PCMTD1: variants seen among roughly 807,000 people sequenced by gnomAD.
PCMTD1 encodes protein-L-isoaspartate (D-aspartate) O-methyltransferase domain containing 1.
PCMTD1 carries 12 observed loss-of-function variants against 37.6 expected under a neutral mutation model. That is an observed-to-expected ratio of 0.32 (90% confidence interval 0.20 to 0.52). PCMTD1 has a LOEUF of 0.52. Among genes scored for constraint, PCMTD1 ranks in the 20% least tolerant of loss-of-function variants. The probability of loss-of-function intolerance (pLI) is 0.97; values close to 1 mark genes in which losing one functional copy is unlikely to be tolerated. For missense variants in PCMTD1, 235 were observed against 421.3 expected (o/e 0.56, Z 3.87); for synonymous variants, 117 against 135.8 (o/e 0.86, Z 0.96).
chr8:51,885,831 T>C (rs1448925868), intron 1 of PCMTD1, among the ~76,000 whole-genome samples: 1 of 152,194 alleles, frequency 6.6e-6, no homozygotes, highest in Non-Finnish European at 1.5e-5. Flanking sequence ...CATACGTTGT[T>C]TGTGCTGGGT....
At chr8:51,882,389 C>A (rs983788240) in intron 1 of PCMTD1, among the ~76,000 whole-genome samples, 1 of 152,284 alleles carries the variant, frequency 6.6e-6, no homozygotes, top group African/African-American at 2.4e-5. Flanking sequence ...AGGGGGCGGT[C>A]AGGGTTTCAA....
chr8:51,844,749 T>C (rs1469219566), intron 3 of PCMTD1: 1 of 152,166 alleles, frequency 6.6e-6, no homozygotes, highest in East Asian at 1.9e-4. Context: ...TCTAGATCTT[T>C]CTAGAGAAAA....
At chr8:51,885,803 C>T (rs547520393) in intron 1 of PCMTD1, among the ~76,000 whole-genome samples, 1 of 83,488 alleles carries the variant, frequency 1.2e-5, no homozygotes, top group Non-Finnish European at 4.0e-5. Context: ...GATAGACAGC[C>T]TTATGTCTCT....
chr8:51,850,630 A>AT (rs1321180042), intron 2 of PCMTD1, among the ~76,000 whole-genome samples: 2 of 152,204 alleles, frequency 1.3e-5, no homozygotes, highest in Non-Finnish European at 2.9e-5. Context: ...ATAGTAAAGT[A>AT]ACATCAAGAG....
chr8:51,846,946 G>A (rs542923344), intron 2 of PCMTD1, among the ~76,000 whole-genome samples: 1 of 152,158 alleles, frequency 6.6e-6, no homozygotes, highest in East Asian at 1.9e-4. Flanking sequence ...GTTCCAATAG[G>A]AAAAATAAAT....
chr8:51,897,726 T>C (rs1039385464), intron 1 of PCMTD1, among the ~76,000 whole-genome samples: 3 of 152,204 alleles, frequency 2.0e-5, no homozygotes, highest in Non-Finnish European at 4.4e-5. Flanking sequence ...CTACTGATTA[T>C]TGAAAACTTG....
intron 3 of PCMTD1, among the ~76,000 whole-genome samples, chr8:51,841,549 T>G (rs2038147044): frequency 6.6e-6 from 1 of 152,214 alleles, no homozygotes; most frequent in South Asian, 2.1e-4. Context: ...AATACATACA[T>G]GTATATGCAT....
At chr8:51,857,770 T>G (rs2038412918) in intron 2 of PCMTD1, among the ~76,000 whole-genome samples, 1 of 152,202 alleles carries the variant, frequency 6.6e-6, no homozygotes, top group East Asian at 1.9e-4. Context: ...CTCCACTTTC[T>G]TCGATAAAAG....
At chr8:51,883,150 A>T (rs1184746587) in intron 1 of PCMTD1, among the ~76,000 whole-genome samples, 1 of 152,158 alleles carries the variant, frequency 6.6e-6, no homozygotes, top group African/African-American at 2.4e-5. Flanking sequence ...AAAAAAGAAC[A>T]GACAAAAAAA....
chr8:51,854,915 C>T (rs1028629850), intron 2 of PCMTD1, among the ~76,000 whole-genome samples: 37 of 151,160 alleles, frequency 2.4e-4, no homozygotes, highest in Admixed American at 7.9e-4. Context: ...TGGCTCACGC[C>T]TGTAATCCAA....
chr8:51,886,360 T>A (rs2038864597), intron 1 of PCMTD1, among the ~76,000 whole-genome samples: 1 of 152,230 alleles, frequency 6.6e-6, no homozygotes, highest in African/African-American at 2.4e-5. Flanking sequence ...CCAGCTACTC[T>A]TTAATTACTC....
chr8:51,878,779 G>A (rs2038750957), intron 1 of PCMTD1, among the ~76,000 whole-genome samples: 1 of 151,978 alleles, frequency 6.6e-6, no homozygotes. Context: ...GGAATATGCA[G>A]ATTAATGGAA....
chr8:51,830,157 C>T (rs918731582), intron 5 of PCMTD1, among the ~76,000 whole-genome samples: 1 of 152,124 alleles, frequency 6.6e-6, no homozygotes, highest in East Asian at 1.9e-4. Flanking sequence ...TTCGCTAATC[C>T]ATTTTCCACC....
At chr8:51,825,884 A>G (rs138492968) in intron 5 of PCMTD1, among the ~76,000 whole-genome samples, 2,103 of 152,298 alleles carry the variant, frequency 0.014, 31 homozygotes, top group Middle Eastern at 0.044. Context: ...GAGAAATAGG[A>G]ACACTTTTAC....
At chr8:51,827,011 T>G (rs2037930599) in intron 5 of PCMTD1, 6 of 958,136 alleles carry the variant, frequency 6.3e-6, no homozygotes, top group East Asian at 1.1e-4. Flanking sequence ...ATATTATTTT[T>G]GGGATTTTTG....
intron 3 of PCMTD1, among the ~76,000 whole-genome samples, chr8:51,838,037 T>C (rs2038092529): frequency 6.6e-6 from 1 of 152,176 alleles, no homozygotes; most frequent in African/African-American, 2.4e-5. Flanking sequence ...TCTACCTGCC[T>C]GGGCCTCCCA....
At chr8:51,828,998 A>G (rs1348061257) in intron 5 of PCMTD1, among the ~76,000 whole-genome samples, 2 of 152,164 alleles carry the variant, frequency 1.3e-5, no homozygotes, top group African/African-American at 4.8e-5. Flanking sequence ...ATTGTTATAT[A>G]TGGATTAAAG....
intron 2 of PCMTD1, among the ~76,000 whole-genome samples, chr8:51,855,115 A>G (rs11777386): frequency 0.69 from 100,636 of 146,846 alleles, 40,810 homozygotes; most frequent in Non-Finnish European, 0.9. Context: ...CGGAGGTTGC[A>G]GTGAGCCGAG....
chr8:51,850,880 G>A (rs879865555), intron 2 of PCMTD1, among the ~76,000 whole-genome samples: 23 of 152,018 alleles, frequency 1.5e-4, no homozygotes, highest in Admixed American at 1.5e-3. Flanking sequence ...GGAGAGTAAA[G>A]GGTAAAAAGT....
Sources: gnomAD v4.1 joint callset for allele counts (sites outside exome capture counted in the v4.1 genomes callset) on GRCh38, gnomAD v4.1.1 for gene constraint, MANE v1.5 for transcripts, NCBI Gene and HGNC (gene_info 2026-07-23, HGNC 2026-07-21) for gene names.